The following PARD3 variants were observed in gnomAD, a reference collection of about 807,000 sequenced individuals.
PARD3 encodes par-3 family cell polarity regulator, also known as partitioning defective 3 homolog.
PARD3 carries 75 observed loss-of-function variants against 155.4 expected under a neutral mutation model. The observed-to-expected ratio is 0.48, with a 90% confidence interval of 0.40 to 0.58. The LOEUF (loss-of-function observed/expected upper bound fraction) is 0.58, where lower values mean the gene tolerates loss of function less well. Ranked by LOEUF, PARD3 falls within the 20% of genes least tolerant of loss-of-function variation. The pLI, the probability that PARD3 is intolerant of heterozygous loss-of-function variation, is 0.00. For synonymous variants in PARD3, 576 were observed against 610.5 expected (o/e 0.94, Z 0.83); for missense variants, 1,642 against 1,721.7 (o/e 0.95, Z 0.82).
chr10:34,605,907 A>C (rs1280598890), intron 2 of PARD3, among the ~76,000 whole-genome samples: 1 of 106,368 alleles, frequency 9.4e-6, no homozygotes, highest in Non-Finnish European at 1.8e-5. Context: ...TCTCCTATAT[A>C]TATATCTCCT....
rs568524941 is a variant in PARD3, at chr10:34,711,736, A to T, written c.121-15317T>A. On this transcript the variant is annotated intron_variant, in intron 1 of 24. Coordinates refer to ENST00000374788, the MANE Select transcript of PARD3 (RefSeq NM_001184785.2). Reference sequence around the variant, plus strand: ...CTATTGGGTATAGGAAAGAACTTACACAAGAGTTTCTAGGAGAATATAATC... The same window carrying T: ...CTATTGGGTATAGGAAAGAACTTACTCAAGAGTTTCTAGGAGAATATAATC... 4.6e-5 allele frequency among the ~76,000 whole-genome samples: 7 copies of T among 152,262 alleles called. No individual in the cohort carries two copies. The South Asian group carries it at 1.5e-3, about 32-fold the overall frequency.
chr10:34,327,326 A>G (rs1835131715), intron 19 of PARD3, among the ~76,000 whole-genome samples: 1 of 152,200 alleles, frequency 6.6e-6, no homozygotes, highest in Non-Finnish European at 1.5e-5. Context: ...AATGAGACAC[A>G]AAAATGCTGG....
At chr10:34,649,617 GGTGA>G (rs963659290) in intron 2 of PARD3, among the ~76,000 whole-genome samples, 7 of 152,208 alleles carry the variant, frequency 4.6e-5, no homozygotes, top group African/African-American at 1.7e-4. Flanking sequence ...GTGAGTGAGT[GGTGA>G]GTGAGTGTCG....
At chr10:34,758,908 A>G (rs1402031429) in intron 1 of PARD3, among the ~76,000 whole-genome samples, 2 of 152,230 alleles carry the variant, frequency 1.3e-5, no homozygotes, top group South Asian at 2.1e-4. Flanking sequence ...AAATTAGGTC[A>G]TGATAGATGG....
In PARD3 at chr10:34,442,933, T is replaced by A. The variant is rs1193173788; in HGVS notation, c.714+7384A>T. On this transcript the variant is annotated intron_variant, in intron 5 of 24. Transcript: ENST00000374788. ...ATCATTTCATACTCCAGAAAACATC[T>A]TCTTTATGTCATCTGGATAGTTCTA... 3.3e-5 allele frequency among the ~76,000 whole-genome samples: 5 copies of A among 152,262 alleles called. No individual in the cohort carries two copies. The East Asian group carries it at 7.7e-4, about 23-fold the overall frequency.
intron 2 of PARD3, among the ~76,000 whole-genome samples, chr10:34,623,757 G>A (rs551329549): frequency 5.7e-4 from 86 of 150,004 alleles, no homozygotes; most frequent in South Asian, 4.2e-4. Context: ...GAAGTGGGGC[G>A]GATCACGAGG....
chr10:34,175,473 G>T (rs1231702298), intron 22 of PARD3, among the ~76,000 whole-genome samples: 1 of 152,156 alleles, frequency 6.6e-6, no homozygotes, highest in Non-Finnish European at 1.5e-5. Flanking sequence ...AGGGGCCCCA[G>T]AGACTGGATC....
intron 19 of PARD3, among the ~76,000 whole-genome samples, chr10:34,327,553 T>C (rs778884321): frequency 6.6e-6 from 1 of 152,188 alleles, no homozygotes; most frequent in East Asian, 1.9e-4. Context: ...CCTACGCCTA[T>C]GTGTCTTACT....
intron 2 of PARD3, among the ~76,000 whole-genome samples, chr10:34,547,486 A>G (rs1174558886): frequency 6.6e-6 from 1 of 152,272 alleles, no homozygotes; most frequent in Non-Finnish European, 1.5e-5. Context: ...AAATATGGGC[A>G]TCATTGCCAA....
intron 21 of PARD3, among the ~76,000 whole-genome samples, chr10:34,283,300 A>T (rs572946868): frequency 6.6e-6 from 1 of 152,194 alleles, no homozygotes; most frequent in African/African-American, 2.4e-5. Context: ...ACTCACTGAA[A>T]TCCCAGATTA....
chr10:34,299,126 G>A (rs1170268753), intron 20 of PARD3, among the ~76,000 whole-genome samples: 1 of 152,104 alleles, frequency 6.6e-6, no homozygotes, highest in East Asian at 1.9e-4. Context: ...ATTTTGTCAG[G>A]ATGGCACCCT....
chr10:34,339,934 G>A (rs1454061988), intron 16 of PARD3, among the ~76,000 whole-genome samples: 4 of 152,136 alleles, frequency 2.6e-5, no homozygotes, highest in Non-Finnish European at 5.9e-5. Context: ...GACCCCTAAT[G>A]TTATTAAAAT....
At chr10:34,260,546 GT>G (rs2133801117) in intron 22 of PARD3, among the ~76,000 whole-genome samples, 1 of 152,300 alleles carries the variant, frequency 6.6e-6, no homozygotes, top group Admixed American at 6.5e-5. Context: ...GACCAACAAA[GT>G]TTGGAAGAGT....
intron 7 of PARD3, among the ~76,000 whole-genome samples, chr10:34,386,654 C>T (rs1206969755): frequency 6.6e-6 from 1 of 151,962 alleles, no homozygotes; most frequent in African/African-American, 2.4e-5. Flanking sequence ...GAAACCCCCT[C>T]TCTACTAAAA....
Position 34,690,290 on chromosome 10 carries a change from T to C in PARD3, c.222+6028A>G, listed in dbSNP as rs551987515. ...AGCCCAATGACTGCAGAATACATTA[T>C]TTTCAAGTACCCATAAAATGTCCAC... On this transcript the variant is annotated intron_variant, in intron 2 of 24. Transcript: ENST00000374788. 3.3e-5 allele frequency among the ~76,000 whole-genome samples: 5 copies of C among 152,308 alleles called. No individual in the cohort carries two copies. The East Asian group carries it at 9.7e-4, about 29-fold the overall frequency.
At chr10:34,217,709 C>T (rs1297424258) in intron 22 of PARD3, among the ~76,000 whole-genome samples, 3 of 152,052 alleles carry the variant, frequency 2.0e-5, no homozygotes, top group Admixed American at 1.3e-4. Flanking sequence ...GGGTGAGATG[C>T]TTTTGGATTT....
intron 2 of PARD3, among the ~76,000 whole-genome samples, chr10:34,627,887 T>A (rs866129975): frequency 1.3e-5 from 2 of 152,062 alleles, no homozygotes; most frequent in Admixed American, 6.6e-5. Context: ...CAGGAAGAAA[T>A]GATGGGCAGA....
At chr10:34,248,360 T>C (rs1439379555) in intron 22 of PARD3, among the ~76,000 whole-genome samples, 2 of 152,250 alleles carry the variant, frequency 1.3e-5, no homozygotes, top group African/African-American at 4.8e-5. Context: ...TAAGTCCGTC[T>C]GTTATCTCCC....
At chr10:34,626,558 A>G (rs1357775129) in intron 2 of PARD3, among the ~76,000 whole-genome samples, 2 of 152,214 alleles carry the variant, frequency 1.3e-5, no homozygotes, top group Non-Finnish European at 2.9e-5. Context: ...ACATTTTGGC[A>G]TTACATAATC....
Sources: allele counts gnomAD v4.1 joint callset (sites outside exome capture counted in the v4.1 genomes callset), GRCh38; gene constraint gnomAD v4.1.1; transcripts MANE v1.5; gene names NCBI Gene and HGNC (gene_info 2026-07-23, HGNC 2026-07-21).